Variants in DAB1 observed in about 807,000 individuals in gnomAD.
DAB1 encodes disabled homolog 1.
A neutral mutation model predicts 64.6 loss-of-function variants in DAB1; 15 were observed. That is an observed-to-expected ratio of 0.23 (90% CI 0.16 to 0.36). The LOEUF is 0.36. Among genes scored for constraint, DAB1 ranks in the 10% least tolerant of loss-of-function variants. The pLI is 1.00. For synonymous variants in DAB1, 235 were observed against 251.9 expected, an observed-to-expected ratio of 0.93 and a Z score of 0.64; for missense variants, 596 against 706.7, an observed-to-expected ratio of 0.84 and a Z score of 1.78.
intron 3 of DAB1, among the ~76,000 whole-genome samples, chr1:58,499,477 T>TATAGACAGATAGATAGATAGATAG (rs1645863562): frequency 2.1e-5 from 3 of 143,768 alleles, no homozygotes; most frequent in Admixed American, 7.0e-5. Context: ...AAAGCCAGAC[T>TATAGACAGATAGATAGATAGATAG]ATAGATAGAT....
intron 1 of DAB1, among the ~76,000 whole-genome samples, chr1:57,397,896 C>T (rs542443013): frequency 7.2e-4 from 109 of 152,302 alleles, no homozygotes; most frequent in Non-Finnish European, 1.4e-3. Context: ...GCATTTAGCC[C>T]TTTTAAATTT....
intron 4 of DAB1, among the ~76,000 whole-genome samples, chr1:58,291,454 T>A (rs889985635): frequency 6.6e-6 from 1 of 152,214 alleles, no homozygotes; most frequent in East Asian, 1.9e-4. Flanking sequence ...TGTAAGTGGC[T>A]GCTAAAACAT....
intron 2 of DAB1, among the ~76,000 whole-genome samples, chr1:57,222,424 C>T (rs1666950347): frequency 6.6e-6 from 1 of 152,236 alleles, no homozygotes; most frequent in East Asian, 1.9e-4. Context: ...GCTGTTGAGA[C>T]AGCTTCCAGG....
chr1:57,695,376 GAAAGA>G (rs1646824337), intron 6 of DAB1, among the ~76,000 whole-genome samples: 1 of 62,284 alleles, frequency 1.6e-5, no homozygotes, highest in Non-Finnish European at 3.1e-5. Context: ...AAGAAAGAAA[GAAAGA>G]AAGAAAGAAA....
chr1:57,867,741 C>T (rs1654370282), intron 1 of DAB1, among the ~76,000 whole-genome samples: 1 of 152,144 alleles, frequency 6.6e-6, no homozygotes, highest in African/African-American at 2.4e-5. Flanking sequence ...CAAGTTTGCA[C>T]AGCTAAGGAC....
chr1:57,785,272 G>A (rs1195088511), intron 6 of DAB1, among the ~76,000 whole-genome samples: 2 of 152,108 alleles, frequency 1.3e-5, no homozygotes. Flanking sequence ...TGTGCAAGGA[G>A]ATGAAAATTA....
chr1:57,024,005 A>T (rs771023364), intron 10 of DAB1, among the ~76,000 whole-genome samples: 3 of 152,018 alleles, frequency 2.0e-5, no homozygotes, highest in Non-Finnish European at 2.9e-5. Flanking sequence ...AATATTTGGC[A>T]CTCACCCTTT....
chr1:57,688,993 C>T (rs1646732430), intron 6 of DAB1, among the ~76,000 whole-genome samples: 1 of 152,080 alleles, frequency 6.6e-6, no homozygotes, highest in South Asian at 2.1e-4. Context: ...TGATGGGATC[C>T]ATACCCAAAT....
chr1:57,459,054 T>A (rs1483881465), intron 7 of DAB1, among the ~76,000 whole-genome samples: 3 of 152,140 alleles, frequency 2.0e-5, no homozygotes, highest in African/African-American at 7.2e-5. Context: ...AATAATCAGT[T>A]TTAAAAATTA....
chr1:58,175,138 C>T (rs1210349453), intron 4 of DAB1, among the ~76,000 whole-genome samples: 1 of 152,238 alleles, frequency 6.6e-6, no homozygotes, highest in Admixed American at 6.5e-5. Flanking sequence ...CTCTTTGGGT[C>T]CGCATTACCT....
chr1:58,085,921 T>G (rs2100601221), intron 5 of DAB1, among the ~76,000 whole-genome samples: 1 of 150,926 alleles, frequency 6.6e-6, no homozygotes, highest in East Asian at 2.0e-4. Flanking sequence ...AAGGAATTCA[T>G]TAGCAAAACT....
chr1:57,903,022 T>C (rs144629570), intron 5 of DAB1, among the ~76,000 whole-genome samples: 3 of 152,240 alleles, frequency 2.0e-5, no homozygotes, highest in African/African-American at 7.2e-5. Flanking sequence ...CCATCTTCCA[T>C]GTTGGCAGGC....
At chr1:57,316,624 G>T in intron 1 of DAB1, among the ~76,000 whole-genome samples, 1 of 150,972 alleles carries the variant, frequency 6.6e-6, no homozygotes. Context: ...GTCTCAAAAA[G>T]AAAAAAAAGA....
At position 57,916,741 on chromosome 1, in the gene DAB1, C is replaced by G. The variant is rs539253184; in HGVS notation, n.388-32579G>C. Among the ~76,000 whole-genome samples the G allele has an allele frequency of 9.5e-4, 145 of 152,172 alleles. 1 individual carries two copies. The highest frequency in any genetic ancestry group is 3.4e-3 in the African/African-American group (142 of 41,532). ...TCACCTGAGGTCAGGAGTTCAAGAC[C>G]AGCCTGGCCAAAATGGTGAAACCCC... On this transcript the variant is annotated intron_variant and non_coding_transcript_variant, in intron 5 of 20. Coordinates refer to the DAB1 transcript ENST00000485760.
intron 3 of DAB1, among the ~76,000 whole-genome samples, chr1:58,349,389 G>A (rs1644029721): frequency 6.6e-6 from 1 of 152,082 alleles, no homozygotes; most frequent in Non-Finnish European, 1.5e-5. Flanking sequence ...TTTGAGCCCT[G>A]TCCAAAAGAG....
chr1:58,256,228 C>T (rs924113802), intron 4 of DAB1, among the ~76,000 whole-genome samples: 10 of 152,192 alleles, frequency 6.6e-5, no homozygotes, highest in Non-Finnish European at 1.0e-4. Flanking sequence ...TATGGGTGCA[C>T]GGTTGCCACG....
chr1:58,030,665 G>A lies in DAB1; in HGVS notation n.387+119846C>T, dbSNP rs531024059. 7.9e-5 allele frequency among the ~76,000 whole-genome samples: 12 copies of A among 152,276 alleles called. No individual in the cohort carries two copies. In the East Asian group the frequency reaches 1.5e-3, roughly 20 times the overall value. On this transcript the variant is annotated intron_variant and non_coding_transcript_variant, in intron 5 of 20. Transcript: ENST00000485760. ...CAGAAAAGCCCCTGGGGTGGGGCCC[G>A]GGTTTTCCTCTATTCACCTTTGTAC... is the stretch of plus-strand genomic sequence containing the variant.
At chr1:57,988,317 GC>G (rs985378750) in intron 5 of DAB1, among the ~76,000 whole-genome samples, 1 of 152,024 alleles carries the variant, frequency 6.6e-6, no homozygotes, top group African/African-American at 2.4e-5. Context: ...TACCAATTCT[GC>G]CCCCCCACTC....
chr1:57,801,802 C>T (rs1478077134), intron 6 of DAB1, among the ~76,000 whole-genome samples: 2 of 152,106 alleles, frequency 1.3e-5, no homozygotes, highest in Non-Finnish European at 2.9e-5. Flanking sequence ...GGACTACAGG[C>T]ACGTGCCACC....
Sources: allele counts gnomAD v4.1 joint callset (sites outside exome capture counted in the v4.1 genomes callset), GRCh38; gene constraint gnomAD v4.1.1; transcripts MANE v1.5; gene names NCBI Gene and HGNC (gene_info 2026-07-23, HGNC 2026-07-21).